The following SNX29 variants were observed in gnomAD, a reference collection of about 807,000 sequenced individuals.
The protein encoded by SNX29 is sorting nexin-29.
In SNX29, 78 loss-of-function variants were observed where a neutral mutation model predicts 102.1. The ratio of observed to expected loss-of-function variants is 0.76; its 90% confidence interval spans 0.64 to 0.92. The LOEUF is 0.92. SNX29 is among the 40% of genes least tolerant of loss of function. SNX29 has a pLI of 0.00. For synonymous variants in SNX29, 580 were observed against 414.5 expected (o/e 1.40, Z -4.85); for missense variants, 1,280 against 1,061.7 (o/e 1.21, Z -2.86).
At chr16:12,253,996 C>G (rs2078495909) in intron 14 of SNX29, among the ~76,000 whole-genome samples, 1 of 152,046 alleles carries the variant, frequency 6.6e-6, no homozygotes, top group Non-Finnish European at 1.5e-5. Flanking sequence ...GGAACACGGG[C>G]TGTGAGGTGT....
At chr16:12,292,514 A>G (rs535799552) in intron 15 of SNX29, among the ~76,000 whole-genome samples, 51 of 152,320 alleles carry the variant, frequency 3.3e-4, no homozygotes, top group African/African-American at 1.2e-3. Context: ...CAGTCATTTC[A>G]GACCCATTGA....
chr16:12,377,887 G>C (rs578150995), intron 16 of SNX29, among the ~76,000 whole-genome samples: 1 of 152,306 alleles, frequency 6.6e-6, no homozygotes, highest in East Asian at 1.9e-4. Context: ...CTTGGCAACA[G>C]GGATTGAGGG....
At chr16:12,408,537 C>G (rs933697842) in intron 18 of SNX29, among the ~76,000 whole-genome samples, 5 of 152,222 alleles carry the variant, frequency 3.3e-5, no homozygotes, top group African/African-American at 1.2e-4. Context: ...AAAAAGTCCT[C>G]CGGCCAGGTG....
At chr16:12,292,673 G>A (rs564959640) in intron 15 of SNX29, among the ~76,000 whole-genome samples, 132 of 152,328 alleles carry the variant, frequency 8.7e-4, no homozygotes, top group Non-Finnish European at 1.6e-3. Flanking sequence ...TGTAAAAAGC[G>A]TTGACTCCAG....
At chr16:12,210,703 G>C (rs1370711629) in intron 14 of SNX29, among the ~76,000 whole-genome samples, 1 of 151,926 alleles carries the variant, frequency 6.6e-6, no homozygotes, top group Non-Finnish European at 1.5e-5. Flanking sequence ...GTCCTCACCT[G>C]CTGGCCATTT....
At chr16:12,396,097 C>G (rs1316078361) in intron 16 of SNX29, among the ~76,000 whole-genome samples, 1 of 152,170 alleles carries the variant, frequency 6.6e-6, no homozygotes, top group East Asian at 1.9e-4. Flanking sequence ...GCCTCTAAGT[C>G]AGAAGGATTG....
At chr16:12,476,371 A>T (rs1221339195) in intron 18 of SNX29, among the ~76,000 whole-genome samples, 13 of 26,428 alleles carry the variant, frequency 4.9e-4, no homozygotes, top group Admixed American at 7.1e-4. Flanking sequence ...AAAAAAAAAA[A>T]AAAAAAAAAA....
intron 16 of SNX29, among the ~76,000 whole-genome samples, chr16:12,370,071 A>C (rs577405058): frequency 1.3e-5 from 2 of 151,238 alleles, no homozygotes; most frequent in African/African-American, 4.9e-5. Flanking sequence ...AAATACGAAA[A>C]AGTAACTGGG....
intron 14 of SNX29, among the ~76,000 whole-genome samples, chr16:12,204,269 C>T (rs917451034): frequency 2.0e-5 from 3 of 152,186 alleles, no homozygotes; most frequent in Admixed American, 6.5e-5. Context: ...CCGCCAGCCT[C>T]CCCTGCTCCT....
intron 19 of SNX29, among the ~76,000 whole-genome samples, chr16:12,479,640 T>C (rs1318711929): frequency 6.6e-6 from 1 of 152,174 alleles, no homozygotes; most frequent in Non-Finnish European, 1.5e-5. Flanking sequence ...AGGGGAAAAT[T>C]ATATATTGAT....
intron 20 of SNX29, among the ~76,000 whole-genome samples, chr16:12,539,433 T>A (rs1203988958): frequency 4.6e-5 from 7 of 152,220 alleles, no homozygotes; most frequent in Non-Finnish European, 1.0e-4. Context: ...CAGCAGTGTT[T>A]TTATTACTGA....
chr16:12,570,274 C>G lies in SNX29; in HGVS notation c.*1645C>G. ...CTGGAGCATGTATGGAGGTGCGGAC[C>G]CTGCAGTCAGTTTGCGAGTGTGGAG... On this transcript the variant is annotated 3_prime_UTR_variant, in exon 21 of 21. Transcript: ENST00000566228. 1 of 1,064,692 alleles carries G rather than the reference C, an allele frequency of 9.4e-7. No homozygotes were observed. The highest frequency in any genetic ancestry group is 1.1e-6 in the Non-Finnish European group (1 of 878,782). The allele number at this position is 1,064,692 out of a possible 1,614,324, so 66.0% of individuals were successfully genotyped here.
intron 19 of SNX29, among the ~76,000 whole-genome samples, chr16:12,523,113 C>G (rs372118804): frequency 9.8e-5 from 15 of 152,318 alleles, no homozygotes; most frequent in African/African-American, 3.6e-4. Context: ...CACACCTGGC[C>G]TGTGGGAGCT....
intron 20 of SNX29, among the ~76,000 whole-genome samples, chr16:12,537,717 G>A (rs1027393587): frequency 2.0e-5 from 3 of 152,150 alleles, no homozygotes; most frequent in Non-Finnish European, 4.4e-5. Flanking sequence ...AAAAAGGGAA[G>A]CAGAGTAGGT....
intron 13 of SNX29, among the ~76,000 whole-genome samples, chr16:12,171,772 A>T (rs962717943): frequency 5.3e-5 from 8 of 152,228 alleles, no homozygotes; most frequent in African/African-American, 1.9e-4. Flanking sequence ...CTGTTTCACT[A>T]ATGATTGTTA....
At chr16:12,545,376 C>G (rs746640020) in intron 20 of SNX29, 2 of 152,212 alleles carry the variant, frequency 1.3e-5, no homozygotes, top group Non-Finnish European at 2.9e-5. Flanking sequence ...CCCATTGTCA[C>G]ACAATAGGTG....
intron 13 of SNX29, among the ~76,000 whole-genome samples, chr16:12,195,728 AAGTTAAAGG>A (rs1236224158): frequency 6.6e-6 from 1 of 152,192 alleles, no homozygotes; most frequent in Non-Finnish European, 1.5e-5. Context: ...GGAGACTTTG[AAGTTAAAGG>A]ATATGGGTTT....
chr16:12,202,412 T>C (rs1205989765), intron 14 of SNX29, among the ~76,000 whole-genome samples: 1 of 152,220 alleles, frequency 6.6e-6, no homozygotes, highest in Non-Finnish European at 1.5e-5. Flanking sequence ...TGTTTTTCCT[T>C]GGTGATGTCA....
intron 4 of SNX29, among the ~76,000 whole-genome samples, chr16:12,030,825 G>A (rs894688603): frequency 8.5e-5 from 13 of 152,076 alleles, no homozygotes; most frequent in African/African-American, 2.9e-4. Flanking sequence ...CTCTTATGCC[G>A]TGCTGTATGC....
Sources: allele counts gnomAD v4.1 joint callset (sites outside exome capture counted in the v4.1 genomes callset), GRCh38; gene constraint gnomAD v4.1.1; transcripts MANE v1.5; gene names NCBI Gene and HGNC (gene_info 2026-07-23, HGNC 2026-07-21).